CHST8: variants seen among roughly 807,000 people sequenced by gnomAD.
CHST8 encodes the protein GALNAC-4-ST1.
Under a neutral mutation model 15.0 loss-of-function variants are expected in CHST8, and 10 were observed. The ratio of observed to expected loss-of-function variants is 0.67; its 90% confidence interval spans 0.41 to 1.13. The LOEUF is 1.13. CHST8 is among the 50% of genes most tolerant of loss of function. CHST8 has a pLI of 0.00. For missense variants in CHST8, 634 were observed against 608.2 expected (o/e 1.04, Z -0.45); for synonymous variants, 259 against 256.6 (o/e 1.01, Z -0.09).
chr19:33,662,060 T>C (rs1404138210), intron 1 of CHST8, among the ~76,000 whole-genome samples: 1 of 151,552 alleles, frequency 6.6e-6, no homozygotes, highest in Admixed American at 6.6e-5. Context: ...AAAAGGATGA[T>C]TTCTTTTTTT....
intron 3 of CHST8, among the ~76,000 whole-genome samples, chr19:33,754,054 T>A (rs1452618218): frequency 4.0e-4 from 4 of 9,982 alleles, no homozygotes; most frequent in African/African-American, 5.4e-4. Context: ...CCCAACAACC[T>A]CCCACCATCC....
intron 1 of CHST8, among the ~76,000 whole-genome samples, chr19:33,628,195 AGCATGCAAAGG>A (rs890660174): frequency 6.6e-5 from 10 of 152,198 alleles, no homozygotes; most frequent in African/African-American, 2.4e-4. Flanking sequence ...CACAGGCAAG[AGCATGCAAAGG>A]GCTTCCTGTG....
intron 3 of CHST8, among the ~76,000 whole-genome samples, chr19:33,737,021 C>G (rs1299330719): frequency 1.3e-5 from 2 of 152,154 alleles, no homozygotes; most frequent in East Asian, 3.9e-4. Context: ...ACATACCCAC[C>G]AGCACCATGA....
chr19:33,755,056 G>T (rs918731861), intron 3 of CHST8, among the ~76,000 whole-genome samples: 2 of 152,158 alleles, frequency 1.3e-5, no homozygotes, highest in Non-Finnish European at 2.9e-5. Flanking sequence ...AGAGCTAAAG[G>T]CTGGAAATGA....
intron 1 of CHST8, among the ~76,000 whole-genome samples, chr19:33,631,309 T>C (rs1322353466): frequency 6.6e-6 from 1 of 152,208 alleles, no homozygotes; most frequent in Non-Finnish European, 1.5e-5. Context: ...GATTTGATTC[T>C]GACTTCCAAA....
At chr19:33,643,915 CCTTTA>C (rs1440323714) in intron 1 of CHST8, among the ~76,000 whole-genome samples, 2 of 152,020 alleles carry the variant, frequency 1.3e-5, no homozygotes, top group Non-Finnish European at 2.9e-5. Context: ...TACATTGACT[CCTTTA>C]CTTTATTTAT....
chr19:33,706,528 G>A (rs929255285), intron 3 of CHST8, among the ~76,000 whole-genome samples: 2 of 152,172 alleles, frequency 1.3e-5, no homozygotes, highest in African/African-American at 4.8e-5. Context: ...CACCTGCCAG[G>A]TCATGGGGCA....
chr19:33,713,432 T>G (rs527712378), intron 3 of CHST8, among the ~76,000 whole-genome samples: 12 of 152,226 alleles, frequency 7.9e-5, no homozygotes, highest in African/African-American at 2.6e-4. Context: ...GCCTGGGCAG[T>G]TGGCCAAGCA....
intron 3 of CHST8, among the ~76,000 whole-genome samples, chr19:33,694,937 C>T (rs1160630682): frequency 8.7e-6 from 1 of 114,692 alleles, no homozygotes; most frequent in African/African-American, 2.9e-5. Context: ...CCTCCCCTCC[C>T]CTCCCTTCCC....
chr19:33,754,205 C>T (rs1226746073), intron 3 of CHST8, among the ~76,000 whole-genome samples: 1 of 148,862 alleles, frequency 6.7e-6, no homozygotes, highest in Non-Finnish European at 1.5e-5. Flanking sequence ...GGAAGACACC[C>T]TTGTGTGGTA....
chr19:33,749,824 G>A (rs1974380514), intron 3 of CHST8, among the ~76,000 whole-genome samples: 1 of 152,188 alleles, frequency 6.6e-6, no homozygotes, highest in African/African-American at 2.4e-5. Flanking sequence ...TGGGTGGGTT[G>A]TATGTCACGT....
chr19:33,765,055 T>TAC (rs1974806053), intron 3 of CHST8, among the ~76,000 whole-genome samples: 2 of 135,958 alleles, frequency 1.5e-5, no homozygotes, highest in South Asian at 2.2e-4. Context: ...TATTCCATCA[T>TAC]ATATATATAT....
rs190501858 is a variant in CHST8 at position 33,629,691 on chromosome 19, C to T, written c.-164+7395C>T. On this transcript the variant is annotated intron_variant, in intron 1 of 4. Coordinates refer to ENST00000650847, the MANE Select transcript of CHST8 (RefSeq NM_001127895.2). The stretch of plus-strand genomic sequence containing the variant: ...CCGAGCTGCAGGCAACAGCCCAGGT[C>T]GCTGTCACCTTGTCCTCACTGTCTG... Among the ~76,000 whole-genome samples, 88 of 152,380 alleles carry T rather than the reference C, an allele frequency of 5.8e-4. 1 individual carries two copies. Among genetic ancestry groups the T allele is most frequent in the Middle Eastern group, 6.8e-3 (2 of 294 alleles).
chr19:33,635,789 G>A (rs1014816978), intron 1 of CHST8, among the ~76,000 whole-genome samples: 12 of 152,136 alleles, frequency 7.9e-5, no homozygotes, highest in African/African-American at 2.7e-4. Flanking sequence ...TGGAGGAGGC[G>A]AGCTGGGGAT....
rs187397477 is a variant in CHST8 at position 33,747,352 on chromosome 19, G to A, written c.131-24061G>A. On this transcript the variant is annotated intron_variant, in intron 3 of 4. Coordinates refer to ENST00000650847, the MANE Select transcript of CHST8 (RefSeq NM_001127895.2). ...TCAGCTGATAGGATACTCCTCTTCT[G>A]GAAGGCGACACCTTCCCCCTGGAGT... Among the ~76,000 whole-genome samples the A allele has an allele frequency of 3.7e-4, 57 of 152,270 alleles. No homozygotes were observed. In the East Asian group the frequency reaches 0.011, roughly 28 times the overall value.
intron 1 of CHST8, among the ~76,000 whole-genome samples, chr19:33,632,974 A>G (rs1265476220): frequency 6.6e-6 from 1 of 151,632 alleles, no homozygotes; most frequent in Non-Finnish European, 1.5e-5. Context: ...GGGATTACAG[A>G]CACGCACCAC....
At chr19:33,726,579 G>T (rs1351461741) in intron 3 of CHST8, among the ~76,000 whole-genome samples, 1 of 152,128 alleles carries the variant, frequency 6.6e-6, no homozygotes, top group Non-Finnish European at 1.5e-5. Flanking sequence ...TCAGCTGGGA[G>T]GTGGGGAGTG....
intron 3 of CHST8, among the ~76,000 whole-genome samples, chr19:33,761,495 A>G (rs1285991384): frequency 6.6e-6 from 1 of 151,916 alleles, no homozygotes; most frequent in Non-Finnish European, 1.5e-5. Flanking sequence ...ACACTGGCCA[A>G]TTTTTGTATT....
rs143908100 is a variant in CHST8, at chr19:33,701,855, A to G, written c.130+12464A>G. Among the ~76,000 whole-genome samples, 1,516 of 152,294 alleles carry G rather than the reference A, an allele frequency of 1.0e-2. 24 individuals are homozygous for G. The highest frequency in any genetic ancestry group is 0.033 in the African/African-American group (1,386 of 41,548). On this transcript the variant is annotated intron_variant, in intron 3 of 4. Coordinates refer to ENST00000650847, the MANE Select transcript of CHST8 (RefSeq NM_001127895.2). ...CTTAGGGAGATTCATTCATTTACCCAAAGTCCTGAAGCCTGCGTGGCTCAG... is the reference window on the plus strand; with the variant it reads ...CTTAGGGAGATTCATTCATTTACCCGAAGTCCTGAAGCCTGCGTGGCTCAG...
Sources: gnomAD v4.1 joint callset for allele counts (sites outside exome capture counted in the v4.1 genomes callset) on GRCh38, gnomAD v4.1.1 for gene constraint, MANE v1.5 for transcripts, NCBI Gene and HGNC (gene_info 2026-07-23, HGNC 2026-07-21) for gene names.